Variants in C4orf51 observed in about 807,000 individuals in gnomAD.
C4orf51 encodes chromosome 4 open reading frame 51, also known as uncharacterized protein C4orf51.
In C4orf51, 25 loss-of-function variants were observed where a neutral mutation model predicts 25.2. That is an observed-to-expected ratio of 0.99 (90% CI 0.72 to 1.39). The LOEUF is 1.39. Ranked by LOEUF, C4orf51 falls within the 40% of genes most tolerant of loss-of-function variation. C4orf51 has a pLI of 0.00. For missense variants in C4orf51, 252 were observed against 239.6 expected (o/e 1.05, Z -0.34); for synonymous variants, 100 against 84.5 (o/e 1.18, Z -1.01).
intron 1 of C4orf51, among the ~76,000 whole-genome samples, chr4:145,747,438 T>C (rs1409251575): frequency 6.6e-6 from 1 of 152,048 alleles, no homozygotes. Flanking sequence ...CAATGCTTTT[T>C]CCGCATTAAT....
At chr4:145,744,112 A>G (rs766411531) in intron 1 of C4orf51, among the ~76,000 whole-genome samples, 8 of 151,984 alleles carry the variant, frequency 5.3e-5, no homozygotes, top group Non-Finnish European at 8.8e-5. Flanking sequence ...CTGCCAACAC[A>G]CGATTTTCCA....
chr4:145,727,001 C>T, intron 3 of C4orf51, 32 bp downstream of exon 3: 3 of 1,527,866 alleles, frequency 2.0e-6, no homozygotes, highest in Admixed American at 1.7e-5. Flanking sequence ...AATCTCTTAC[C>T]TGTAGAGAGC....
intron 2 of C4orf51, among the ~76,000 whole-genome samples, chr4:145,710,462 C>T (rs1578969581): frequency 6.6e-6 from 1 of 151,904 alleles, no homozygotes; most frequent in South Asian, 2.1e-4. Context: ...TGTGCAGTGG[C>T]CTGCTAATGC....
intron 1 of C4orf51, among the ~76,000 whole-genome samples, chr4:145,743,771 G>A (rs1255579168): frequency 6.6e-6 from 1 of 152,174 alleles, no homozygotes. Context: ...TGGTTTCATT[G>A]TAATCTTCTA....
chr4:145,722,495 A>AATATATATAATATATATAATAT (rs1378245154), intron 2 of C4orf51, among the ~76,000 whole-genome samples: 8 of 152,236 alleles, frequency 5.3e-5, no homozygotes, highest in African/African-American at 1.9e-4. Flanking sequence ...AATAATTTGT[A>AATATATATAATATATATAATAT]TCTAATATAT....
intron 2 of C4orf51, among the ~76,000 whole-genome samples, chr4:145,708,907 G>T (rs1006437335): frequency 1.4e-4 from 21 of 152,164 alleles, no homozygotes; most frequent in African/African-American, 4.6e-4. Flanking sequence ...AGGCCTGCTT[G>T]TCAGCTAACT....
intron 1 of C4orf51, among the ~76,000 whole-genome samples, chr4:145,741,626 TGA>T (rs1375538732): frequency 6.6e-6 from 1 of 152,234 alleles, no homozygotes; most frequent in Non-Finnish European, 1.5e-5. Context: ...TAGATTTCCC[TGA>T]GAGAGAAGGA....
downstream of C4orf51, among the ~76,000 whole-genome samples, chr4:145,736,999 C>T (rs1468905403): frequency 6.6e-6 from 1 of 152,042 alleles, no homozygotes; most frequent in Non-Finnish European, 1.5e-5. Context: ...CTCGTGAGTC[C>T]CTTTTGAATG....
At chr4:145,747,450 A>G (rs1328727362) in intron 1 of C4orf51, among the ~76,000 whole-genome samples, 7 of 151,920 alleles carry the variant, frequency 4.6e-5, no homozygotes. Flanking sequence ...CGCATTAATC[A>G]AAATGATCAT....
chr4:145,735,161 C>T (rs1579012298), downstream of C4orf51, among the ~76,000 whole-genome samples: 1 of 152,142 alleles, frequency 6.6e-6, no homozygotes. Context: ...TGCCACAGTG[C>T]CTTGGAGAAG....
In C4orf51 at chr4:145,761,523, C is replaced by A; in HGVS notation, n.167-9465C>A. On this transcript the variant is annotated intron_variant and non_coding_transcript_variant, in intron 1 of 1. Coordinates refer to the C4orf51 transcript ENST00000510096. This position sits in a 1 kb window ranked among gnomAD's most constrained non-coding sequence, Gnocchi z 6.8. ...CCGTCTGGCAGATCCGGCACTTGTACTCCATCTTGTAGTGGGTCTTGAGGT... is the reference window on the plus strand; with the variant it reads ...CCGTCTGGCAGATCCGGCACTTGTAATCCATCTTGTAGTGGGTCTTGAGGT... 7.8e-7 allele frequency: 1 copy of A among 1,289,634 alleles called. No homozygotes were observed. Among genetic ancestry groups the A allele is most frequent in the South Asian group, 1.2e-5 (1 of 80,994 alleles). The allele number at this position is 1,289,634 out of a possible 1,614,324, so 79.9% of individuals were successfully genotyped here. A position where few individuals can be genotyped will look rare whatever the true frequency, so the allele number is the denominator to read the frequency against.
At chr4:145,729,642 T>G (rs1316688755) in intron 4 of C4orf51, among the ~76,000 whole-genome samples, 3 of 152,198 alleles carry the variant, frequency 2.0e-5, no homozygotes, top group Non-Finnish European at 4.4e-5. Flanking sequence ...TTCTGCTTCC[T>G]TCCTCCTGGC....
the C4orf51 span, chr4:145,779,232 C>T: frequency 8.8e-7 from 1 of 1,137,192 alleles, no homozygotes; most frequent in African/African-American, 1.6e-5. Flanking sequence ...CTTCTTTAAA[C>T]ATGCCAGAGA....
At chr4:145,688,074 G>T (rs1291224718) in intron 1 of C4orf51, among the ~76,000 whole-genome samples, 1 of 151,796 alleles carries the variant, frequency 6.6e-6, no homozygotes, top group East Asian at 1.9e-4. Context: ...GGTGGTATAT[G>T]CCTGTGGTTC....
intron 1 of C4orf51, among the ~76,000 whole-genome samples, chr4:145,752,878 C>A (rs1249406214): frequency 3.3e-5 from 5 of 152,210 alleles, no homozygotes; most frequent in Admixed American, 6.5e-5. Context: ...CATGAGTGGG[C>A]ATCTGTTGAG....
chr4:145,687,440 C>A lies in C4orf51; in HGVS notation c.233+7004C>A, dbSNP rs146909674. Reference sequence around the variant, plus strand: ...CTGTGTCATAGGCACACATCCTTAACCTTGGCAAAATAAACTTTCTAAATT... The same window carrying A: ...CTGTGTCATAGGCACACATCCTTAAACTTGGCAAAATAAACTTTCTAAATT... On this transcript the variant is annotated intron_variant, in intron 1 of 5. Coordinates refer to ENST00000438731, the MANE Select transcript of C4orf51 (RefSeq NM_001080531.3). Among the ~76,000 whole-genome samples the A allele has an allele frequency of 6.1e-3, 922 of 152,318 alleles. 4 individuals carry two copies. Among genetic ancestry groups the A allele is most frequent in the Non-Finnish European group, 8.9e-3 (603 of 68,026 alleles).
intron 1 of C4orf51, among the ~76,000 whole-genome samples, chr4:145,744,320 A>G (rs948876969): frequency 2.2e-4 from 34 of 152,212 alleles, no homozygotes; most frequent in African/African-American, 8.2e-4. Flanking sequence ...GCAATGGATT[A>G]TGGGTAATGT....
chr4:145,748,964 A>T (rs1733526746), intron 1 of C4orf51, among the ~76,000 whole-genome samples: 1 of 151,492 alleles, frequency 6.6e-6, no homozygotes, highest in African/African-American at 2.4e-5. Flanking sequence ...TGAAGGTGGG[A>T]TGTTGAAGTC....
intron 1 of C4orf51, among the ~76,000 whole-genome samples, chr4:145,753,801 G>T (rs184221297): frequency 6.6e-6 from 1 of 152,144 alleles, no homozygotes; most frequent in Non-Finnish European, 1.5e-5. Context: ...AGAGGCTATG[G>T]TGGAAGGCAG....
Sources: gnomAD v4.1 joint callset for allele counts (sites outside exome capture counted in the v4.1 genomes callset) on GRCh38, gnomAD v4.1.1 for gene constraint, Gnocchi (gnomAD v3.1) non-coding constraint, MANE v1.5 for transcripts, NCBI Gene and HGNC (gene_info 2026-07-23, HGNC 2026-07-21) for gene names.